PHF24: variants seen among roughly 807,000 people sequenced by gnomAD.
PHF24 encodes PHD finger protein 24.
PHF24 carries 25 observed loss-of-function variants against 42.6 expected under a neutral mutation model. That is an observed-to-expected ratio of 0.59 (90% confidence interval 0.43 to 0.82). The LOEUF (loss-of-function observed/expected upper bound fraction) is 0.82. Ranked by LOEUF, PHF24 falls within the 40% of genes least tolerant of loss-of-function variation. The probability of loss-of-function intolerance (pLI) is 0.00; values close to 1 mark genes in which losing one functional copy is unlikely to be tolerated. For synonymous variants in PHF24, 185 were observed against 204.8 expected (o/e 0.90, Z 0.83); for missense variants, 470 against 538.1 (o/e 0.87, Z 1.25).
chr9:34,750,639 T>C, the PHF24 span, among the ~76,000 whole-genome samples: 1 of 152,070 alleles, frequency 6.6e-6, no homozygotes, highest in Non-Finnish European at 1.5e-5. Flanking sequence ...CAGTTTAAAA[T>C]AATGTTATAA....
the PHF24 span, among the ~76,000 whole-genome samples, chr9:34,920,392 A>G: frequency 6.6e-6 from 1 of 152,092 alleles, no homozygotes; most frequent in South Asian, 2.1e-4. Flanking sequence ...TGCCAGTACC[A>G]TGCTCTTTTT....
At chr9:34,697,915 C>A in the PHF24 span, among the ~76,000 whole-genome samples, 7 of 152,136 alleles carry the variant, frequency 4.6e-5, 1 homozygote, top group South Asian at 1.5e-3. Flanking sequence ...GGAATTCTTG[C>A]GTGGTAGAGG....
the PHF24 span, among the ~76,000 whole-genome samples, chr9:34,771,556 C>G: frequency 6.6e-6 from 1 of 152,086 alleles, no homozygotes; most frequent in Admixed American, 6.5e-5. Context: ...CTTGGGTTTT[C>G]CCCAATGGTT....
At chr9:34,728,388 C>T in the PHF24 span, among the ~76,000 whole-genome samples, 1 of 152,202 alleles carries the variant, frequency 6.6e-6, no homozygotes. Context: ...CAATTAAGAA[C>T]ATCTGCTCTA....
chr9:34,759,728 C>T, the PHF24 span, among the ~76,000 whole-genome samples: 1 of 152,170 alleles, frequency 6.6e-6, no homozygotes, highest in African/African-American at 2.4e-5. Context: ...CCTGCTCCTG[C>T]CGGTGCACTA....
the PHF24 span, among the ~76,000 whole-genome samples, chr9:34,783,518 A>G: frequency 6.6e-6 from 1 of 152,116 alleles, no homozygotes; most frequent in Non-Finnish European, 1.5e-5. Flanking sequence ...AGCCCTCTCT[A>G]TTGCACTCAC....
chr9:34,697,457 TTACAGGCACA>T, the PHF24 span, among the ~76,000 whole-genome samples: 1 of 152,186 alleles, frequency 6.6e-6, no homozygotes, highest in Non-Finnish European at 1.5e-5. Flanking sequence ...GTAGCTGGGA[TTACAGGCACA>T]TACCATCATG....
At chr9:34,977,280 C>T (rs763388375) in intron 6 of PHF24, 37 bp downstream of exon 6, 1 of 1,544,290 alleles carries the variant, frequency 6.5e-7, no homozygotes, top group African/African-American at 1.4e-5. Flanking sequence ...CACTCAGCCT[C>T]TCCTCCTCCC....
chr9:34,871,381 A>T, the PHF24 span, among the ~76,000 whole-genome samples: 2 of 152,102 alleles, frequency 1.3e-5, no homozygotes, highest in South Asian at 4.1e-4. Flanking sequence ...TTCTTCCAGT[A>T]TGTGGTGTGT....
At chr9:34,790,384 A>C in the PHF24 span, among the ~76,000 whole-genome samples, 1 of 152,196 alleles carries the variant, frequency 6.6e-6, no homozygotes, top group Non-Finnish European at 1.5e-5. Context: ...TTATGCAAGA[A>C]AGCTTTCTCT....
At chr9:34,917,212 T>A in the PHF24 span, 6 of 1,442,264 alleles carry the variant, frequency 4.2e-6, no homozygotes, top group African/African-American at 7.0e-5. Flanking sequence ...AATAAAGGCA[T>A]CAAGCAGGTG....
chr9:34,699,578 C>G, the PHF24 span, among the ~76,000 whole-genome samples: 1 of 152,164 alleles, frequency 6.6e-6, no homozygotes, highest in Non-Finnish European at 1.5e-5. Flanking sequence ...CTAAATGACA[C>G]AATCGTATAG....
At chr9:34,948,341 A>G in the PHF24 span, among the ~76,000 whole-genome samples, 2 of 152,214 alleles carry the variant, frequency 1.3e-5, no homozygotes, top group African/African-American at 4.8e-5. Flanking sequence ...GCCTAAGTGT[A>G]CAGTGTTTAT....
chr9:34,924,023 GA>G, the PHF24 span, among the ~76,000 whole-genome samples: 7 of 151,988 alleles, frequency 4.6e-5, no homozygotes, highest in Admixed American at 1.3e-4. Flanking sequence ...TTTGTTTTAA[GA>G]AAATTTGCAA....
the PHF24 span, chr9:34,709,282 G>T: frequency 7.9e-7 from 1 of 1,265,296 alleles, no homozygotes. Flanking sequence ...AGGCCAGCAT[G>T]GGGTGGCTGC....
the PHF24 span, among the ~76,000 whole-genome samples, chr9:34,871,142 A>T: frequency 6.6e-6 from 1 of 152,188 alleles, no homozygotes; most frequent in Non-Finnish European, 1.5e-5. Context: ...GGCCATTTTA[A>T]TAGCTATGTA....
At chr9:34,939,938 C>T in the PHF24 span, among the ~76,000 whole-genome samples, 1 of 152,138 alleles carries the variant, frequency 6.6e-6, no homozygotes, top group African/African-American at 2.4e-5. Context: ...AGAGCAGGAG[C>T]ACTGTCATCT....
chr9:34,707,078 A>C, the PHF24 span, among the ~76,000 whole-genome samples: 1 of 151,674 alleles, frequency 6.6e-6, no homozygotes, highest in Non-Finnish European at 1.5e-5. Flanking sequence ...CTGCGAAGGG[A>C]TTAGTGTGTA....
At chr9:34,868,791 A>G in the PHF24 span, among the ~76,000 whole-genome samples, 4 of 151,730 alleles carry the variant, frequency 2.6e-5, no homozygotes, top group South Asian at 6.2e-4. Context: ...TCTGGAGTAC[A>G]TGTGCAGGTT....
Sources: gnomAD v4.1 joint callset for allele counts (sites outside exome capture counted in the v4.1 genomes callset) on GRCh38, gnomAD v4.1.1 for gene constraint, MANE v1.5 for transcripts, NCBI Gene and HGNC (gene_info 2026-07-23, HGNC 2026-07-21) for gene names.